The following MYOC variants were observed in gnomAD, a reference collection of about 807,000 sequenced individuals.
MYOC encodes the protein myocilin, also known as juvenile-onset open-angle glaucoma 1.
In MYOC, 29 loss-of-function variants were observed where a neutral mutation model predicts 28.2. That is an observed-to-expected ratio of 1.03 (90% CI 0.77 to 1.40). MYOC has a LOEUF of 1.40. Ranked by LOEUF, MYOC falls within the 40% of genes most tolerant of loss-of-function variation. The probability of loss-of-function intolerance (pLI) is 0.00; values close to 1 mark genes in which losing one functional copy is unlikely to be tolerated. For synonymous variants in MYOC, 240 were observed against 245.6 expected (o/e 0.98, Z 0.21); for missense variants, 569 against 620.6 (o/e 0.92, Z 0.88).
chr1:171,642,527 ACT>A (rs1019973459), intron 1 of MYOC, among the ~76,000 whole-genome samples: 3 of 150,800 alleles, frequency 2.0e-5, no homozygotes, highest in Non-Finnish European at 4.4e-5. Flanking sequence ...CAGGAAGATG[ACT>A]CTTGAGTCCA....
At chr1:171,637,860 G>T (rs188712524) in intron 2 of MYOC, among the ~76,000 whole-genome samples, 171 of 152,196 alleles carry the variant, frequency 1.1e-3, no homozygotes, top group African/African-American at 3.9e-3. Flanking sequence ...TGATCCGCCC[G>T]CCTCAGCCTC....
chr1:171,646,796 T>C (rs235879), intron 1 of MYOC, among the ~76,000 whole-genome samples: 93,973 of 151,898 alleles, frequency 0.62, 29,246 homozygotes, highest in South Asian at 0.7. Context: ...CGCCCAGCTG[T>C]TTTTTTTCTA....
chr1:171,636,606 G>T lies in MYOC; in HGVS notation c.834C>A (p.Tyr278Ter). Residue 278 changes from tyrosine (Y) to a stop codon, truncating the protein, a stop_gained, in exon 3 of 3, where the codon TAC becomes TAA. Coordinates refer to ENST00000037502, the MANE Select transcript of MYOC (RefSeq NM_000261.2). LOFTEE classifies it low-confidence loss of function (END_TRUNC). ...TCCACGTGGTCTCCTGGGTGTAGGG[G>T]TAGGTGGGCTTGGGGTCTCGCATCC... ...GVWMRDPKPTYPYTQETTWRI... is the reference protein window; with the variant it reads ...GVWMRDPKPT The T allele has an allele frequency of 6.2e-7, 1 of 1,612,778 alleles. No individual in the cohort carries two copies. The highest frequency in any genetic ancestry group is 8.5e-7 in the Non-Finnish European group (1 of 1,179,534).
At chr1:171,642,538 C>T (rs1477782359) in intron 1 of MYOC, among the ~76,000 whole-genome samples, 1 of 150,716 alleles carries the variant, frequency 6.6e-6, no homozygotes, top group Non-Finnish European at 1.5e-5. Context: ...CTCTTGAGTC[C>T]AAGAGGGCAA....
rs1653376740 is a variant in MYOC at position 171,652,349 on chromosome 1, G to C, written c.263C>G (p.Thr88Ser). 2.3e-5 allele frequency: 37 copies of C among 1,610,172 alleles called. No homozygotes were observed. Among genetic ancestry groups the C allele is most frequent in the Non-Finnish European group, 3.1e-5 (37 of 1,177,146 alleles). The change falls in exon 1 of 3, where the codon ACC becomes AGC. Residue 88 changes from threonine (T) to serine (S), a missense_variant. Transcript: ENST00000037502. ...SSTQRLDLEA[T>S]KARLSSLESL... ...CTCCAGGGAGCTGAGTCGAGCTTTG[G>C]TGGCCTCCAGGTCTAAGCGTTGGGT...
At chr1:171,648,757 G>A (rs142641252) in intron 1 of MYOC, among the ~76,000 whole-genome samples, 132 of 149,274 alleles carry the variant, frequency 8.8e-4, no homozygotes, top group African/African-American at 3.0e-3. Flanking sequence ...GCGTGATCTT[G>A]GCTCACTGCA....
At position 171,648,044 on chromosome 1, in the gene MYOC, C is replaced by T. The variant is rs1572215475; in HGVS notation, c.604+3964G>A. On this transcript the variant is annotated intron_variant, in intron 1 of 2. Transcript: ENST00000037502. ...AAAAAAAAAAAAATACAAAAGTTAG[C>T]TGGGCGTGGTAGTGTGCACCTGTAA... Among the ~76,000 whole-genome samples the T allele has an allele frequency of 2.6e-5, 4 of 151,862 alleles. No homozygotes were observed. The South Asian group carries it at 8.3e-4, about 32-fold the overall frequency.
intron 1 of MYOC, among the ~76,000 whole-genome samples, chr1:171,641,790 G>A (rs1653081098): frequency 6.6e-6 from 1 of 152,192 alleles, no homozygotes; most frequent in African/African-American, 2.4e-5. Flanking sequence ...ACAGTGGGAG[G>A]AAAGTCAGTG....
chr1:171,647,934 C>T (rs1311595967), intron 1 of MYOC, among the ~76,000 whole-genome samples: 1 of 151,936 alleles, frequency 6.6e-6, no homozygotes, highest in African/African-American at 2.4e-5. Context: ...AATCCCAGCA[C>T]TTTGGGAGGT....
chr1:171,644,287 A>T (rs1225401508), intron 1 of MYOC, among the ~76,000 whole-genome samples: 1 of 152,128 alleles, frequency 6.6e-6, no homozygotes, highest in Non-Finnish European at 1.5e-5. Context: ...TTTTTAAAAA[A>T]ATATTAAATT....
In MYOC at chr1:171,636,403, C is replaced by G; in HGVS notation, c.1037G>C (p.Arg346Thr). ...CACTGTCTCGGTATTCAGCTCATAT[C>G]TTATGACAGTTCTGGACTCAGCGCC... is the stretch of plus-strand genomic sequence containing the variant. ...FQGAESRTVI[R>T]YELNTETVKA... Residue 346 changes from arginine (R) to threonine (T), a missense_variant, in exon 3 of 3, where the codon AGA becomes ACA. By Grantham distance (71) the Arg-to-Thr change is moderately conservative. Coordinates refer to ENST00000037502, the MANE Select transcript of MYOC (RefSeq NM_000261.2). The G allele has an allele frequency of 1.2e-6, 2 of 1,614,176 alleles. No homozygotes were observed. The highest frequency in any genetic ancestry group is 1.7e-6 in the Non-Finnish European group (2 of 1,180,026).
intron 1 of MYOC, among the ~76,000 whole-genome samples, chr1:171,649,183 A>G (rs1653293070): frequency 6.6e-6 from 1 of 152,142 alleles, no homozygotes; most frequent in South Asian, 2.1e-4. Flanking sequence ...ATTTTTTTCT[A>G]CATAACAACT....
intron 1 of MYOC, among the ~76,000 whole-genome samples, chr1:171,648,474 T>C (rs1485047438): frequency 6.6e-6 from 1 of 152,014 alleles, no homozygotes; most frequent in East Asian, 1.9e-4. Context: ...TCTAGGATCA[T>C]GGTCCATATA....
intron 1 of MYOC, among the ~76,000 whole-genome samples, chr1:171,639,168 G>A (rs1003612830): frequency 6.6e-6 from 1 of 152,166 alleles, no homozygotes; most frequent in African/African-American, 2.4e-5. Flanking sequence ...TAAGGACTGG[G>A]GATGGGTTGG....
intron 1 of MYOC, among the ~76,000 whole-genome samples, chr1:171,639,347 T>C (rs930902421): frequency 5.3e-5 from 8 of 152,118 alleles, no homozygotes; most frequent in African/African-American, 1.9e-4. Flanking sequence ...GTGCCTACCT[T>C]AGAGTAGGGT....
chr1:171,644,729 G>A (rs1418059491), intron 1 of MYOC, among the ~76,000 whole-genome samples: 3 of 152,156 alleles, frequency 2.0e-5, no homozygotes, highest in African/African-American at 7.2e-5. Context: ...TGCAGATAGC[G>A]CCTGATAAAG....
intron 2 of MYOC, 72 bp from the exon 3 acceptor site, chr1:171,636,781 C>T (rs1344388070): frequency 1.9e-5 from 30 of 1,541,740 alleles, no homozygotes; most frequent in Non-Finnish European, 2.5e-5. Flanking sequence ...AATGATCATG[C>T]GGAAGCTTGG....
chr1:171,637,119 C>T (rs1431641254), intron 2 of MYOC, among the ~76,000 whole-genome samples: 1 of 152,154 alleles, frequency 6.6e-6, no homozygotes, highest in Non-Finnish European at 1.5e-5. Flanking sequence ...GTACAATTCA[C>T]TCAGTATCAG....
intron 1 of MYOC, among the ~76,000 whole-genome samples, chr1:171,641,897 T>G (rs949973797): frequency 6.6e-6 from 1 of 152,206 alleles, no homozygotes; most frequent in Non-Finnish European, 1.5e-5. Flanking sequence ...AAATTTAGAT[T>G]TCAGGCAGAG....
Sources: gnomAD v4.1 joint callset for allele counts (sites outside exome capture counted in the v4.1 genomes callset) on GRCh38, gnomAD v4.1.1 for gene constraint, MANE v1.5 for transcripts, NCBI Gene and HGNC (gene_info 2026-07-23, HGNC 2026-07-21) for gene names.